Variants in CDPF1 observed in about 807,000 individuals in gnomAD.
CDPF1 encodes cysteine-rich DPF motif domain-containing protein 1.
CDPF1 carries 8 observed loss-of-function variants against 8.3 expected under a neutral mutation model. The observed-to-expected ratio is 0.96, with a 90% CI of 0.57 to 1.74. The LOEUF is 1.74. CDPF1 is among the 40% of genes most tolerant of loss of function. The probability of loss-of-function intolerance (pLI) is 0.00; values close to 1 mark genes in which losing one functional copy is unlikely to be tolerated. For synonymous variants in CDPF1, 62 were observed against 62.9 expected (o/e 0.99, Z 0.07); for missense variants, 151 against 155.3 (o/e 0.97, Z 0.15).
rs1009967563 is a variant in CDPF1 at position 46,248,376 on chromosome 22, C to A, written c.1-92G>T. The A allele has an allele frequency of 1.3e-6, 1 of 750,014 alleles. No homozygotes were observed. Among genetic ancestry groups the A allele is most frequent in the South Asian group, 1.7e-5 (1 of 60,398 alleles). The allele number at this position is 750,014 out of a possible 1,614,324, so 46.5% of individuals were successfully genotyped here. ...GCTATGAAGACCCTAACCATATAGT[C>A]CTAGCACAGTTTCTTGCCTCCCTAC... On this transcript the variant is annotated intron_variant, in intron 1 of 3. Transcript: ENST00000314567. This position sits in a 1 kb window ranked among gnomAD's most constrained non-coding sequence, Gnocchi z 4.1.
chr22:46,244,661 T>TGTA lies in CDPF1; in HGVS notation c.*430_*431insTAC. ...TGGGTCCAGAAGGAGCTGCTGTCAG[T>TGTA]GATTTTCCTTACAGAGAGACCATTG... On this transcript the variant is annotated 3_prime_UTR_variant, in exon 4 of 4. Transcript: ENST00000314567. The surrounding 1 kb of genome is among the most constrained non-coding windows in gnomAD (Gnocchi z 6.7). The TGTA allele has an allele frequency of 1.2e-5, 2 of 172,180 alleles. No homozygotes were observed. The highest frequency in any genetic ancestry group is 2.5e-5 in the Non-Finnish European group (2 of 79,756). The allele number at this position is 172,180 out of a possible 1,614,324, so 10.7% of individuals were successfully genotyped here. A position where few individuals can be genotyped will look rare whatever the true frequency, so the allele number is the denominator to read the frequency against.
Position 46,247,414 on chromosome 22 carries a change from A to G in CDPF1, c.114-193T>C, listed in dbSNP as rs752354002. Among the ~76,000 whole-genome samples, 1 of 152,158 alleles carries G rather than the reference A, an allele frequency of 6.6e-6. No homozygotes were observed. The highest frequency in any genetic ancestry group is 2.4e-5 in the African/African-American group (1 of 41,438). On this transcript the variant is annotated intron_variant, in intron 2 of 3. Transcript: ENST00000314567. The surrounding 1 kb of genome is among the most constrained non-coding windows in gnomAD (Gnocchi z 4.3). The stretch of plus-strand genomic sequence containing the variant: ...GAAAGGATCAGCAATTGGGGGCCAC[A>G]CTGGCACTGAAATTGAACCTGCTCT...
Position 46,244,993 on chromosome 22 carries a change from G to A in CDPF1, c.*99C>T. The stretch of plus-strand genomic sequence containing the variant: ...GCTGCTCCCAGTGGTCCAGAAACAA[G>A]GCCAGGCATGGCGGCTCCCAGCTCA... On this transcript the variant is annotated 3_prime_UTR_variant, in exon 4 of 4. Transcript: ENST00000314567. The surrounding 1 kb of genome is among the most constrained non-coding windows in gnomAD (Gnocchi z 6.7). The A allele has an allele frequency of 6.7e-7, 1 of 1,481,574 alleles. No individual in the cohort carries two copies. The highest frequency in any genetic ancestry group is 9.2e-7 in the Non-Finnish European group (1 of 1,090,312). The allele number at this position is 1,481,574 out of a possible 1,614,324, so 91.8% of individuals were successfully genotyped here. A position where few individuals can be genotyped will look rare whatever the true frequency, so the allele number is the denominator to read the frequency against.
In CDPF1 at chr22:46,248,110, C is replaced by G; in HGVS notation, c.113+62G>C. ...AGACAGTTGTCAGACCTAGGCACACCACCCACCAACCAGCACTGGGCACAG... is the reference window on the plus strand; with the variant it reads ...AGACAGTTGTCAGACCTAGGCACACGACCCACCAACCAGCACTGGGCACAG... On this transcript the variant is annotated intron_variant, in intron 2 of 3. Transcript: ENST00000314567. The surrounding 1 kb of genome is among the most constrained non-coding windows in gnomAD (Gnocchi z 4.1). 1 of 1,197,170 alleles carries G rather than the reference C, an allele frequency of 8.4e-7. No homozygotes were observed. The highest frequency in any genetic ancestry group is 1.2e-6 in the Non-Finnish European group (1 of 820,638). 74.2% of individuals were successfully genotyped at this position (1,197,170 alleles called of 1,614,324 possible).
rs1936480256 is a variant in CDPF1 at position 46,245,704 on chromosome 22, C to T, written c.226-466G>A. On this transcript the variant is annotated intron_variant, in intron 3 of 3. Coordinates refer to ENST00000314567, the MANE Select transcript of CDPF1 (RefSeq NM_207327.5). The surrounding 1 kb of genome is among the most constrained non-coding windows in gnomAD (Gnocchi z 6.9). ...GTCTGGGCAGGAGGCCAGAACCGTG[C>T]AGCCATGTCCGCTCTCCTCTCTCTT... is the stretch of plus-strand genomic sequence containing the variant. 6.6e-6 allele frequency among the ~76,000 whole-genome samples: 1 copy of T among 152,256 alleles called. No individual in the cohort carries two copies.
In CDPF1 at chr22:46,245,136, C is replaced by A. The variant is rs780920766; in HGVS notation, c.328G>T (p.Ala110Ser). 2 of 1,614,260 alleles carry A rather than the reference C, an allele frequency of 1.2e-6. No individual in the cohort carries two copies. The highest frequency in any genetic ancestry group is 8.5e-7 in the Non-Finnish European group (1 of 1,180,040). ...EIRQDLEKRK[A>S]PSKRTPSQPG... ...TGGCTGGGGGTCCTCTTTGATGGAGCTTTCCTTTTCTCCAAGTCTTGCCGA... is the reference window on the plus strand; with the variant it reads ...TGGCTGGGGGTCCTCTTTGATGGAGATTTCCTTTTCTCCAAGTCTTGCCGA... The change falls in exon 4 of 4, where the codon GCT (alanine) becomes TCT (serine). Residue 110 changes from alanine (A) to serine (S), a missense_variant. Physicochemically the swap from Ala to Ser is moderately conservative, Grantham distance 99. Transcript: ENST00000314567. This position sits in a 1 kb window ranked among gnomAD's most constrained non-coding sequence, Gnocchi z 6.9.
Position 46,245,118 on chromosome 22 carries a change from G to A in CDPF1, c.346C>T (p.Pro116Ser). ...CACGTCCGAGAACCGGGCTGGCTGG[G>A]GGTCCTCTTTGATGGAGCTTTCCTT... ...EKRKAPSKRT[P>S]SQPGSRT The change falls in exon 4 of 4, where the codon CCC (proline) becomes TCC (serine). Residue 116 changes from proline (P) to serine (S), a missense_variant. By Grantham distance (74) the Pro-to-Ser change is moderately conservative. Coordinates refer to ENST00000314567, the MANE Select transcript of CDPF1 (RefSeq NM_207327.5). This position sits in a 1 kb window ranked among gnomAD's most constrained non-coding sequence, Gnocchi z 6.9. 5.6e-6 allele frequency: 9 copies of A among 1,614,238 alleles called. No individual in the cohort carries two copies. Among genetic ancestry groups the A allele is most frequent in the Non-Finnish European group, 7.6e-6 (9 of 1,180,036 alleles).
rs968653952 is a variant in CDPF1 at position 46,246,035 on chromosome 22, T to C, written c.226-797A>G. Among the ~76,000 whole-genome samples the C allele has an allele frequency of 6.6e-6, 1 of 152,210 alleles. No individual in the cohort carries two copies. The highest frequency in any genetic ancestry group is 1.5e-5 in the Non-Finnish European group (1 of 68,032). ...AGGCCACCAGTTCTGGACTCTTACA[T>C]AGGAGAAAGTAAGTAAATAACTATT... is the stretch of plus-strand genomic sequence containing the variant. On this transcript the variant is annotated intron_variant, in intron 3 of 3. Transcript: ENST00000314567. This position sits in a 1 kb window ranked among gnomAD's most constrained non-coding sequence, Gnocchi z 7.1.
rs369732880 is a variant in CDPF1 at position 46,246,268 on chromosome 22, G to A, written c.225+842C>T. 1.2e-4 allele frequency among the ~76,000 whole-genome samples: 15 copies of A among 125,948 alleles called. No homozygotes were observed. Among genetic ancestry groups the A allele is most frequent in the Middle Eastern group, 3.8e-3 (1 of 266 alleles). 82.6% of individuals were successfully genotyped at this position (125,948 alleles called of 152,430 possible). ...CCACCCCCGCCACCCCGCTGCTCAC[G>A]AAGAGCAGCCCAAGGCCAAGGTGTT... On this transcript the variant is annotated intron_variant, in intron 3 of 3. Transcript: ENST00000314567. The surrounding 1 kb of genome is among the most constrained non-coding windows in gnomAD (Gnocchi z 7.1).
rs1461762727 is a variant in CDPF1, at chr22:46,249,097, G to T, written c.1-813C>A. On this transcript the variant is annotated intron_variant, in intron 1 of 3. Transcript: ENST00000314567. The surrounding 1 kb of genome is among the most constrained non-coding windows in gnomAD (Gnocchi z 4.6). ...CTCATGTTCATGGTTGGGTCTTGGAGGCCTCTCTTTCCTTAGATTTCTGGC... is the reference window on the plus strand; with the variant it reads ...CTCATGTTCATGGTTGGGTCTTGGATGCCTCTCTTTCCTTAGATTTCTGGC... 1.3e-5 allele frequency among the ~76,000 whole-genome samples: 2 copies of T among 152,112 alleles called. No homozygotes were observed. Among genetic ancestry groups the T allele is most frequent in the Middle Eastern group, 3.2e-3 (1 of 316 alleles).
Position 46,245,576 on chromosome 22 carries a change from G to A in CDPF1, c.226-338C>T, listed in dbSNP as rs1008928757. Among the ~76,000 whole-genome samples the A allele has an allele frequency of 7.9e-5, 12 of 152,336 alleles. No individual in the cohort carries two copies. Among genetic ancestry groups the A allele is most frequent in the South Asian group, 4.1e-4 (2 of 4,824 alleles). On this transcript the variant is annotated intron_variant, in intron 3 of 3. Transcript: ENST00000314567. This position sits in a 1 kb window ranked among gnomAD's most constrained non-coding sequence, Gnocchi z 6.9. ...GCCCCGAAAATCCCAGAGTCCTCCC[G>A]TCCCAGCTATCGCAGCACGAACAGT...
chr22:46,245,745 C>T lies in CDPF1; in HGVS notation c.226-507G>A, dbSNP rs947405329. Among the ~76,000 whole-genome samples the T allele has an allele frequency of 4.6e-5, 7 of 152,348 alleles. No homozygotes were observed. Among genetic ancestry groups the T allele is most frequent in the African/African-American group, 7.2e-5 (3 of 41,584 alleles). On this transcript the variant is annotated intron_variant, in intron 3 of 3. Coordinates refer to ENST00000314567, the MANE Select transcript of CDPF1 (RefSeq NM_207327.5). This position sits in a 1 kb window ranked among gnomAD's most constrained non-coding sequence, Gnocchi z 6.9. ...CCTCTCTCTTACACACTAGAACTCC[C>T]GAGATTCATCACGGTGCACAGCACG... is the stretch of plus-strand genomic sequence containing the variant.
chr22:46,247,757 C>T lies in CDPF1; in HGVS notation c.113+415G>A, dbSNP rs115659876. Reference sequence around the variant, plus strand: ...CCCATGTGAGTAACACACCGGCCAGCTTTCCAACAAAGTGGCATTTGATGA... The same window carrying T: ...CCCATGTGAGTAACACACCGGCCAGTTTTCCAACAAAGTGGCATTTGATGA... On this transcript the variant is annotated intron_variant, in intron 2 of 3. Transcript: ENST00000314567. This position sits in a 1 kb window ranked among gnomAD's most constrained non-coding sequence, Gnocchi z 4.3. Among the ~76,000 whole-genome samples the T allele has an allele frequency of 9.5e-3, 1,444 of 152,332 alleles. 23 individuals are homozygous for T. Among genetic ancestry groups the T allele is most frequent in the African/African-American group, 0.033 (1,381 of 41,572 alleles).
chr22:46,244,687 C>A lies in CDPF1; in HGVS notation c.*405G>T. ...GATTTTCCTTACAGAGAGACCATTG[C>A]AGCCACCTACAGTGCACCATGGCCC... On this transcript the variant is annotated 3_prime_UTR_variant, in exon 4 of 4. Transcript: ENST00000314567. The surrounding 1 kb of genome is among the most constrained non-coding windows in gnomAD (Gnocchi z 6.7). The A allele has an allele frequency of 5.4e-6, 1 of 186,364 alleles. No individual in the cohort carries two copies. Among genetic ancestry groups the A allele is most frequent in the Non-Finnish European group, 1.1e-5 (1 of 88,430 alleles). 11.5% of individuals were successfully genotyped at this position (186,364 alleles called of 1,614,324 possible).
At position 46,249,090 on chromosome 22, in the gene CDPF1, T is replaced by G. The variant is rs534473831; in HGVS notation, c.1-806A>C. ...CCCCCTTCTCATGTTCATGGTTGGG[T>G]CTTGGAGGCCTCTCTTTCCTTAGAT... is the stretch of plus-strand genomic sequence containing the variant. On this transcript the variant is annotated intron_variant, in intron 1 of 3. Transcript: ENST00000314567. The surrounding 1 kb of genome is among the most constrained non-coding windows in gnomAD (Gnocchi z 4.6). 6.6e-6 allele frequency among the ~76,000 whole-genome samples: 1 copy of G among 152,234 alleles called. No individual in the cohort carries two copies. Among genetic ancestry groups the G allele is most frequent in the East Asian group, 1.9e-4 (1 of 5,182 alleles).
chr22:46,245,100 G>A lies in CDPF1; in HGVS notation c.364C>T (p.Arg122Trp), dbSNP rs372469794. ...SKRTPSQPGS[R>W]T Reference sequence around the variant, plus strand: ...CCTAGCCCCAGTTGCACTCACGTCCGAGAACCGGGCTGGCTGGGGGTCCTC... The same window carrying A: ...CCTAGCCCCAGTTGCACTCACGTCCAAGAACCGGGCTGGCTGGGGGTCCTC... Residue 122 changes from arginine (R) to tryptophan (W), a missense_variant, in exon 4 of 4, where the codon CGG (arginine) becomes TGG (tryptophan). By Grantham distance (101) the Arg-to-Trp change is moderately radical. Coordinates refer to ENST00000314567, the MANE Select transcript of CDPF1 (RefSeq NM_207327.5). This position sits in a 1 kb window ranked among gnomAD's most constrained non-coding sequence, Gnocchi z 6.9. 1.2e-5 allele frequency: 19 copies of A among 1,614,048 alleles called. No individual in the cohort carries two copies. The highest frequency in any genetic ancestry group is 4.0e-5 in the African/African-American group (3 of 74,944).
chr22:46,247,156 A>C lies in CDPF1; in HGVS notation c.179T>G (p.Leu60Arg). 1 of 1,614,132 alleles carries C rather than the reference A, an allele frequency of 6.2e-7. No homozygotes were observed. Among genetic ancestry groups the C allele is most frequent in the Non-Finnish European group, 8.5e-7 (1 of 1,179,986 alleles). ...FTSDKDRFLV[L>R]GSCCSLCSRL... Reference sequence around the variant, plus strand: ...GCTGCACAAACTGCAGCACGAGCCGAGGACCAGGAATCTGTCCTTGTCGGA... The same window carrying C: ...GCTGCACAAACTGCAGCACGAGCCGCGGACCAGGAATCTGTCCTTGTCGGA... Residue 60 changes from leucine (L) to arginine (R), a missense_variant, in exon 3 of 4, where the codon CTC becomes CGC. Physicochemically the swap from Leu to Arg is moderately radical, Grantham distance 102. Transcript: ENST00000314567. This position sits in a 1 kb window ranked among gnomAD's most constrained non-coding sequence, Gnocchi z 4.3.
At position 46,247,033 on chromosome 22, in the gene CDPF1, C is replaced by A; in HGVS notation, c.225+77G>T. Reference sequence around the variant, plus strand: ...GGTGAACCCGCTGCTCCCTCTCTCCCAGCCCTCCCTACCCAGGGAGAGCTC... The same window carrying A: ...GGTGAACCCGCTGCTCCCTCTCTCCAAGCCCTCCCTACCCAGGGAGAGCTC... On this transcript the variant is annotated intron_variant, in intron 3 of 3. Coordinates refer to ENST00000314567, the MANE Select transcript of CDPF1 (RefSeq NM_207327.5). This position sits in a 1 kb window ranked among gnomAD's most constrained non-coding sequence, Gnocchi z 4.3. 7.4e-7 allele frequency: 1 copy of A among 1,357,790 alleles called. No individual in the cohort carries two copies. Among genetic ancestry groups the A allele is most frequent in the Non-Finnish European group, 1.0e-6 (1 of 968,528 alleles). The allele number at this position is 1,357,790 out of a possible 1,614,324, so 84.1% of individuals were successfully genotyped here.
rs146416979 is a variant in CDPF1, at chr22:46,248,291, G to A, written c.1-7C>T. 1.5e-3 allele frequency: 2,291 copies of A among 1,575,872 alleles called. 30 individuals carry two copies. The African/African-American group carries it at 0.027, about 19-fold the overall frequency. ...ACTCTACATGGGACGCCATCTGCAA[G>A]ATCAAGAGATGGGGTGTCCCTGGGT... On this transcript the variant is annotated splice_region_variant and splice_polypyrimidine_tract_variant and intron_variant, in intron 1 of 3. Transcript: ENST00000314567. This position sits in a 1 kb window ranked among gnomAD's most constrained non-coding sequence, Gnocchi z 4.1.
Sources: allele counts gnomAD v4.1 joint callset (sites outside exome capture counted in the v4.1 genomes callset), GRCh38; gene constraint gnomAD v4.1.1; non-coding constraint Gnocchi (gnomAD v3.1); transcripts MANE v1.5; gene names NCBI Gene and HGNC (gene_info 2026-07-23, HGNC 2026-07-21).